CLIC5: variants seen among roughly 807,000 people sequenced by gnomAD.
CLIC5 encodes the protein CLIC family member 5, also known as chloride intracellular channel protein 5.
Under a neutral mutation model 24.7 loss-of-function variants are expected in CLIC5, and 20 were observed. That is an observed-to-expected ratio of 0.81 (90% CI 0.57 to 1.18). The LOEUF (loss-of-function observed/expected upper bound fraction) is 1.18. Ranked by LOEUF, CLIC5 falls within the 50% of genes most tolerant of loss-of-function variation. The pLI, the probability that CLIC5 is intolerant of heterozygous loss-of-function variation, is 0.00. For missense variants in CLIC5, 341 were observed against 326.1 expected, an observed-to-expected ratio of 1.05 and a Z score of -0.35; for synonymous variants, 159 against 135.6, an observed-to-expected ratio of 1.17 and a Z score of -1.20.
At chr6:46,001,617 T>C (rs1766363325) in intron 1 of CLIC5, among the ~76,000 whole-genome samples, 1 of 152,186 alleles carries the variant, frequency 6.6e-6, no homozygotes, top group Non-Finnish European at 1.5e-5. Flanking sequence ...ACCCAGGGCC[T>C]GGCACCTGGT....
downstream of CLIC5, among the ~76,000 whole-genome samples, chr6:45,894,809 C>T (rs1389977885): frequency 1.3e-5 from 2 of 152,154 alleles, no homozygotes; most frequent in Admixed American, 6.5e-5. Flanking sequence ...AGCTTTGAAT[C>T]CATGCGCACT....
At chr6:46,124,459 A>G in the CLIC5 span, among the ~76,000 whole-genome samples, 2 of 152,248 alleles carry the variant, frequency 1.3e-5, no homozygotes, top group Admixed American at 6.5e-5. Flanking sequence ...GTTAGTCCTA[A>G]AACCATTGAA....
Position 46,054,089 on chromosome 6 carries a change from T to C in CLIC5, c.540+25614A>G, listed in dbSNP as rs143694565. ...CTCCAGGTGGGGGTAGGCTGGGGGA[T>C]GTTTGCCCTCAAAATGATTTTTCAC... On this transcript the variant is annotated intron_variant, in intron 1 of 5. Transcript: ENST00000185206. Among the ~76,000 whole-genome samples the C allele has an allele frequency of 4.9e-3, 741 of 152,218 alleles. 15 individuals are homozygous for C. Among genetic ancestry groups the C allele is most frequent in the Middle Eastern group, 6.8e-3 (2 of 294 alleles).
At chr6:46,022,890 T>C (rs1411314194) in intron 1 of CLIC5, among the ~76,000 whole-genome samples, 1 of 152,202 alleles carries the variant, frequency 6.6e-6, no homozygotes, top group Non-Finnish European at 1.5e-5. Flanking sequence ...TTAGTTCCTG[T>C]ATTATTCCTT....
At chr6:45,969,756 G>A (rs1765133860) in intron 1 of CLIC5, among the ~76,000 whole-genome samples, 1 of 145,954 alleles carries the variant, frequency 6.9e-6, no homozygotes. Flanking sequence ...GAAAAATCCT[G>A]CCTTGTTATT....
chr6:45,889,616 T>C (rs1004784069), intron 6 of CLIC5, among the ~76,000 whole-genome samples: 3 of 152,198 alleles, frequency 2.0e-5, no homozygotes, highest in Non-Finnish European at 4.4e-5. Context: ...TTAATTTAGA[T>C]AGGGTGAAGG....
chr6:46,068,064 A>G (rs931683867), intron 1 of CLIC5, among the ~76,000 whole-genome samples: 9 of 152,166 alleles, frequency 5.9e-5, no homozygotes, highest in Non-Finnish European at 4.4e-5. Flanking sequence ...ATAAGGGGAA[A>G]CAGATACAGG....
At chr6:45,924,541 A>G (rs1230465674) in intron 4 of CLIC5, among the ~76,000 whole-genome samples, 2 of 152,168 alleles carry the variant, frequency 1.3e-5, no homozygotes, top group Non-Finnish European at 2.9e-5. Flanking sequence ...TAAATGTGCA[A>G]TTTTATACTT....
chr6:45,994,661 C>T (rs1365512222), intron 1 of CLIC5, among the ~76,000 whole-genome samples: 1 of 152,082 alleles, frequency 6.6e-6, no homozygotes, highest in African/African-American at 2.4e-5. Flanking sequence ...TACCCAACAC[C>T]ATGTCTCATG....
At chr6:46,015,991 G>T (rs1766991741), upstream of CLIC5, 3 of 740,932 alleles carry the variant, frequency 4.0e-6, no homozygotes, top group South Asian at 1.2e-4. Context: ...CCAAGACCCC[G>T]CAGGGCAGGA....
chr6:46,106,017 T>C, the CLIC5 span, among the ~76,000 whole-genome samples: 4 of 152,292 alleles, frequency 2.6e-5, 1 homozygote, highest in South Asian at 8.3e-4. Flanking sequence ...TGATTCTGGG[T>C]TGCCCACCAG....
intron 4 of CLIC5, among the ~76,000 whole-genome samples, chr6:45,925,169 TG>T (rs1476758990): frequency 6.6e-6 from 1 of 152,204 alleles, no homozygotes; most frequent in Non-Finnish European, 1.5e-5. Flanking sequence ...GAACAGGGCA[TG>T]GTTCATAGTA....
intron 4 of CLIC5, among the ~76,000 whole-genome samples, chr6:45,923,929 C>T (rs994013046): frequency 6.6e-6 from 1 of 152,146 alleles, no homozygotes; most frequent in African/African-American, 2.4e-5. Context: ...TCCTTCTCTG[C>T]AAAGTGGAGA....
At chr6:46,051,549 T>C (rs748396428) in intron 1 of CLIC5, among the ~76,000 whole-genome samples, 1 of 152,172 alleles carries the variant, frequency 6.6e-6, no homozygotes, top group Non-Finnish European at 1.5e-5. Context: ...TGTTTTTCCC[T>C]GTGATTCTGC....
At chr6:46,070,423 C>A (rs1581918167) in intron 1 of CLIC5, among the ~76,000 whole-genome samples, 1 of 152,186 alleles carries the variant, frequency 6.6e-6, no homozygotes, top group South Asian at 2.1e-4. Flanking sequence ...TTCCTATACA[C>A]CAACAACAGT....
chr6:45,985,694 C>T (rs1765711134), intron 1 of CLIC5, among the ~76,000 whole-genome samples: 2 of 152,164 alleles, frequency 1.3e-5, no homozygotes, highest in South Asian at 4.1e-4. Context: ...TTGGCCCCAT[C>T]CCTACCAGGC....
the CLIC5 span, among the ~76,000 whole-genome samples, chr6:46,127,034 T>C: frequency 1.3e-5 from 2 of 152,256 alleles, no homozygotes; most frequent in African/African-American, 4.8e-5. Flanking sequence ...GCCTTTGACA[T>C]GCTGCTTCCA....
chr6:46,036,306 C>CTTTTTTT (rs67557243), intron 1 of CLIC5, among the ~76,000 whole-genome samples: 1 of 88,164 alleles, frequency 1.1e-5, no homozygotes, highest in Non-Finnish European at 2.1e-5. Context: ...ACTGCAAGGT[C>CTTTTTTT]TTTTTTTTTT....
chr6:45,884,408 G>C (rs2127280416), intron 6 of CLIC5, among the ~76,000 whole-genome samples: 1 of 152,322 alleles, frequency 6.6e-6, no homozygotes, highest in East Asian at 1.9e-4. Flanking sequence ...TAGGGAAAAA[G>C]TACTGCATGC....
Sources: gnomAD v4.1 joint callset for allele counts (sites outside exome capture counted in the v4.1 genomes callset) on GRCh38, gnomAD v4.1.1 for gene constraint, MANE v1.5 for transcripts, NCBI Gene and HGNC (gene_info 2026-07-23, HGNC 2026-07-21) for gene names.